MAP2K5: variants seen among roughly 807,000 people sequenced by gnomAD.
The protein encoded by MAP2K5 is mitogen-activated protein kinase kinase 5.
Under a neutral mutation model 83.1 loss-of-function variants are expected in MAP2K5, and 49 were observed. That is an observed-to-expected ratio of 0.59 (90% CI 0.47 to 0.75). The LOEUF is 0.75. MAP2K5 is among the 30% of genes least tolerant of loss of function. MAP2K5 has a pLI of 0.00. For missense variants in MAP2K5, 457 were observed against 557.5 expected, an observed-to-expected ratio of 0.82 and a Z score of 1.82; for synonymous variants, 202 against 191.8, an observed-to-expected ratio of 1.05 and a Z score of -0.44.
At chr15:67,772,860 G>A in intron 21 of MAP2K5, 108 bp downstream of exon 21, 1 of 756,148 alleles carries the variant, frequency 1.3e-6, no homozygotes, top group Non-Finnish European at 2.1e-6. Flanking sequence ...GCTCTGAAAA[G>A]GCAACATTAT....
chr15:67,708,362 G>A lies in MAP2K5; in HGVS notation c.1044+4954G>A, dbSNP rs926668200. On this transcript the variant is annotated intron_variant, in intron 16 of 21. Coordinates refer to ENST00000178640, the MANE Select transcript of MAP2K5 (RefSeq NM_145160.3). The surrounding 1 kb of genome is among the most constrained non-coding windows in gnomAD (Gnocchi z 4.9). Reference sequence around the variant, plus strand: ...TCAGATAGAGACAAAATGGGCATGAGAGTTTTCTGTCTCCTTTACATCTCC... The same window carrying A: ...TCAGATAGAGACAAAATGGGCATGAAAGTTTTCTGTCTCCTTTACATCTCC... Among the ~76,000 whole-genome samples the A allele has an allele frequency of 6.6e-6, 1 of 151,986 alleles. No individual in the cohort carries two copies.
At chr15:67,641,682 C>G (rs2086713690) in intron 9 of MAP2K5, 1 of 894,652 alleles carries the variant, frequency 1.1e-6, no homozygotes, top group African/African-American at 1.8e-5. Context: ...TCACTTAACC[C>G]TTTCTCCATG....
chr15:67,646,215 A>G lies in MAP2K5; in HGVS notation c.586-16A>G. 9.4e-7 allele frequency: 1 copy of G among 1,059,624 alleles called. No homozygotes were observed. Among genetic ancestry groups the G allele is most frequent in the Non-Finnish European group, 1.4e-6 (1 of 726,132 alleles). 65.6% of individuals were successfully genotyped at this position (1,059,624 alleles called of 1,614,324 possible). A position where few individuals can be genotyped will look rare whatever the true frequency, so the allele number is the denominator to read the frequency against. On this transcript the variant is annotated splice_polypyrimidine_tract_variant and intron_variant, in intron 9 of 21. Coordinates refer to ENST00000178640, the MANE Select transcript of MAP2K5 (RefSeq NM_145160.3). ...AATTAGAAGATTAAAAAATATTAAT[A>G]CCTTTCTATATTTAGGTCATACTAC... is the stretch of plus-strand genomic sequence containing the variant.
rs1377867850 is a variant in MAP2K5 at position 67,640,844 on chromosome 15, T to A, written c.586-5387T>A. Reference sequence around the variant, plus strand: ...AAGTTGAATTTTGGAAAGAATAATGTACCATGAATTTCTATTTTATACTAT... The same window carrying A: ...AAGTTGAATTTTGGAAAGAATAATGAACCATGAATTTCTATTTTATACTAT... On this transcript the variant is annotated intron_variant, in intron 9 of 21. Coordinates refer to ENST00000178640, the MANE Select transcript of MAP2K5 (RefSeq NM_145160.3). This position sits in a 1 kb window ranked among gnomAD's most constrained non-coding sequence, Gnocchi z 4.6. Among the ~76,000 whole-genome samples the A allele has an allele frequency of 6.6e-6, 1 of 152,210 alleles. No homozygotes were observed. Among genetic ancestry groups the A allele is most frequent in the Non-Finnish European group, 1.5e-5 (1 of 68,026 alleles).
chr15:67,580,852 T>C (rs766641729), intron 4 of MAP2K5, 29 bp downstream of exon 4: 13 of 1,417,880 alleles, frequency 9.2e-6, no homozygotes, highest in South Asian at 6.9e-5. Context: ...TAATCAACAA[T>C]GATTATTTCA....
intron 8 of MAP2K5, among the ~76,000 whole-genome samples, chr15:67,620,149 T>C (rs758329795): frequency 6.2e-4 from 95 of 152,284 alleles, no homozygotes; most frequent in Non-Finnish European, 1.2e-3. Flanking sequence ...GGCGGGTAGA[T>C]CACCTGAGGT....
chr15:67,743,253 C>T (rs947954920), intron 17 of MAP2K5, among the ~76,000 whole-genome samples: 2 of 152,174 alleles, frequency 1.3e-5, no homozygotes, highest in African/African-American at 2.4e-5. Flanking sequence ...ATGCGAGAAT[C>T]GTTGGTTCCT....
At chr15:67,728,623 G>A (rs963968674) in intron 17 of MAP2K5, among the ~76,000 whole-genome samples, 8 of 152,184 alleles carry the variant, frequency 5.3e-5, no homozygotes, top group Non-Finnish European at 7.3e-5. Flanking sequence ...AAAATGAATG[G>A]TTTGACTGTT....
chr15:67,587,167 A>G lies in MAP2K5; in HGVS notation c.431+254A>G, dbSNP rs753959413. On this transcript the variant is annotated intron_variant, in intron 6 of 21. Transcript: ENST00000178640. This position sits in a 1 kb window ranked among gnomAD's most constrained non-coding sequence, Gnocchi z 4.8. Reference sequence around the variant, plus strand: ...GCGTTTCAGACGGAGGGAAGAGGGTAGGTGAAGGCCCTGAGGTGGAGAAGG... The same window carrying G: ...GCGTTTCAGACGGAGGGAAGAGGGTGGGTGAAGGCCCTGAGGTGGAGAAGG... Among the ~76,000 whole-genome samples, 2 of 152,132 alleles carry G rather than the reference A, an allele frequency of 1.3e-5. No individual in the cohort carries two copies. The highest frequency in any genetic ancestry group is 2.9e-5 in the Non-Finnish European group (2 of 68,028).
chr15:67,726,736 T>A (rs188959007), intron 16 of MAP2K5, among the ~76,000 whole-genome samples: 30 of 152,306 alleles, frequency 2.0e-4, no homozygotes, highest in Admixed American at 8.5e-4. Flanking sequence ...TTGAAGTGGG[T>A]TGATGCTCTC....
At chr15:67,744,409 G>A (rs2089559480) in intron 17 of MAP2K5, among the ~76,000 whole-genome samples, 1 of 152,040 alleles carries the variant, frequency 6.6e-6, no homozygotes, top group Non-Finnish European at 1.5e-5. Flanking sequence ...AATAATACAA[G>A]CTTGAAAAGC....
intron 8 of MAP2K5, among the ~76,000 whole-genome samples, chr15:67,617,775 T>TGG (rs1450497687): frequency 6.6e-6 from 1 of 152,218 alleles, no homozygotes; most frequent in African/African-American, 2.4e-5. Context: ...TACTGTAGCA[T>TGG]CAACCTCCCA....
intron 8 of MAP2K5, among the ~76,000 whole-genome samples, chr15:67,601,475 T>G (rs920301052): frequency 6.6e-6 from 1 of 152,178 alleles, no homozygotes; most frequent in African/African-American, 2.4e-5. Context: ...AAATCCATAC[T>G]CTGTAAGAAA....
intron 11 of MAP2K5, among the ~76,000 whole-genome samples, chr15:67,658,341 C>T (rs1269047647): frequency 1.3e-5 from 2 of 152,212 alleles, no homozygotes; most frequent in Admixed American, 6.6e-5. Flanking sequence ...TGTGACTATA[C>T]ACTTCAGAAT....
At chr15:67,656,627 C>T (rs924990624) in intron 11 of MAP2K5, among the ~76,000 whole-genome samples, 7 of 152,104 alleles carry the variant, frequency 4.6e-5, no homozygotes, top group Non-Finnish European at 8.8e-5. Flanking sequence ...TCGTGCCTGG[C>T]CACCTTTTAA....
intron 4 of MAP2K5, among the ~76,000 whole-genome samples, chr15:67,582,993 T>C (rs2085214192): frequency 6.6e-6 from 1 of 152,258 alleles, no homozygotes; most frequent in African/African-American, 2.4e-5. Context: ...ATTATGCTTC[T>C]TCCCATGATA....
intron 17 of MAP2K5, among the ~76,000 whole-genome samples, chr15:67,739,318 T>C (rs1426024443): frequency 6.7e-6 from 1 of 148,680 alleles, no homozygotes; most frequent in Non-Finnish European, 1.5e-5. Context: ...TCAAACTTTA[T>C]CCAGTTCATT....
At chr15:67,701,294 G>GA (rs2088410449) in intron 15 of MAP2K5, among the ~76,000 whole-genome samples, 2 of 152,116 alleles carry the variant, frequency 1.3e-5, no homozygotes, top group African/African-American at 4.8e-5. Context: ...ACTCTCTAAG[G>GA]AACTTATTTG....
In MAP2K5 at chr15:67,543,228, A is replaced by C. The variant is rs1596536989; in HGVS notation, c.-108A>C. ...CCTCATCCTCCATTCCCTTGTTTTCACCCTCTGTCCTCTGCCCGTCACTCC... is the reference window on the plus strand; with the variant it reads ...CCTCATCCTCCATTCCCTTGTTTTCCCCCTCTGTCCTCTGCCCGTCACTCC... On this transcript the variant is annotated 5_prime_UTR_variant, in exon 1 of 22. Transcript: ENST00000178640. This position sits in a 1 kb window ranked among gnomAD's most constrained non-coding sequence, Gnocchi z 4.3. 1.2e-5 allele frequency: 14 copies of C among 1,132,848 alleles called. No individual in the cohort carries two copies. Among genetic ancestry groups the C allele is most frequent in the South Asian group, 7.0e-5 (5 of 71,012 alleles). 70.2% of individuals were successfully genotyped at this position (1,132,848 alleles called of 1,614,324 possible).
Sources: gnomAD v4.1 joint callset for allele counts (sites outside exome capture counted in the v4.1 genomes callset) on GRCh38, gnomAD v4.1.1 for gene constraint, Gnocchi (gnomAD v3.1) non-coding constraint, MANE v1.5 for transcripts, NCBI Gene and HGNC (gene_info 2026-07-23, HGNC 2026-07-21) for gene names.